Variants in RSRP1 observed in about 807,000 individuals in gnomAD.
RSRP1 encodes arginine/serine-rich protein 1.
Under a neutral mutation model 33.0 loss-of-function variants are expected in RSRP1, and 37 were observed. The observed-to-expected ratio is 1.12, with a 90% CI of 0.86 to 1.48. The LOEUF (loss-of-function observed/expected upper bound fraction) is 1.48. RSRP1 is among the 40% of genes most tolerant of loss of function. RSRP1 has a pLI of 0.00. For missense variants in RSRP1, 402 were observed against 385.3 expected (o/e 1.04, Z -0.36); for synonymous variants, 167 against 158.7 (o/e 1.05, Z -0.40).
chr1:25,292,085 T>C (rs987373739), intron 1 of RSRP1, among the ~76,000 whole-genome samples: 3 of 132,760 alleles, frequency 2.3e-5, no homozygotes, highest in Admixed American at 7.4e-5. Context: ...AGCTTTAGTT[T>C]CTTCATCTGT....
rs542567404 is a variant in RSRP1, at chr1:25,296,835, G to A, written c.-67+41143C>T. On this transcript the variant is annotated intron_variant, in intron 1 of 1. Transcript: ENST00000561867. ...TTGTAAGTTTCCTGAGGCCTCCCCG[G>A]CCATGCCAAACTGTGAGTCAATTCA... Among the ~76,000 whole-genome samples, 112 of 126,312 alleles carry A rather than the reference G, an allele frequency of 8.9e-4. 22 individuals carry two copies. Among genetic ancestry groups the A allele is most frequent in the Non-Finnish European group, 1.8e-3 (96 of 53,266 alleles). 82.9% of individuals were successfully genotyped at this position (126,312 alleles called of 152,430 possible). A position where few individuals can be genotyped will look rare whatever the true frequency, so the allele number is the denominator to read the frequency against.
rs201120463 is a variant in RSRP1, at chr1:25,303,306, C to T, written c.-67+34672G>A. 2.9e-3 allele frequency: 3,952 copies of T among 1,350,394 alleles called. 686 individuals are homozygous for T. In the African/African-American group the frequency reaches 0.042, roughly 14 times the overall value. 83.7% of individuals were successfully genotyped at this position (1,350,394 alleles called of 1,614,324 possible). A position where few individuals can be genotyped will look rare whatever the true frequency, so the allele number is the denominator to read the frequency against. On this transcript the variant is annotated intron_variant, in intron 1 of 1. Coordinates refer to the RSRP1 transcript ENST00000561867. Reference sequence around the variant, plus strand: ...CTCTACCTTGCTTCCTTTACCCACACGCTATTTCTTTGCAGACTTATGTGC... The same window carrying T: ...CTCTACCTTGCTTCCTTTACCCACATGCTATTTCTTTGCAGACTTATGTGC...
chr1:25,292,908 G>C (rs978463109), intron 1 of RSRP1, among the ~76,000 whole-genome samples: 1 of 120,800 alleles, frequency 8.3e-6, no homozygotes, highest in East Asian at 2.0e-4. Context: ...GCCAGCAAAG[G>C]AGACAGAATT....
Position 25,329,205 on chromosome 1 carries a change from A to G in RSRP1, c.-67+8773T>C. The G allele has an allele frequency of 3.0e-6, 2 of 675,804 alleles. 1 individual carries two copies. The highest frequency in any genetic ancestry group is 5.0e-6 in the Non-Finnish European group (2 of 397,946). The allele number at this position is 675,804 out of a possible 1,614,324, so 41.9% of individuals were successfully genotyped here. A position where few individuals can be genotyped will look rare whatever the true frequency, so the allele number is the denominator to read the frequency against. On this transcript the variant is annotated intron_variant, in intron 1 of 1. Coordinates refer to the RSRP1 transcript ENST00000561867. ...ACTGCATATATGATGGTGGTCATCC[A>G]GTAAGCTAAGGTTAATTTATTATTA...
chr1:25,256,301 T>C lies in RSRP1; in HGVS notation c.-66-9272A>G, dbSNP rs1212735559. Among the ~76,000 whole-genome samples the C allele has an allele frequency of 2.0e-5, 3 of 151,968 alleles. No individual in the cohort carries two copies. The East Asian group carries it at 5.8e-4, about 29-fold the overall frequency. Reference sequence around the variant, plus strand: ...TACTGAGTAGCTAGGACTACAGGCATGCGCCACTACACCTGACTAATTTTT... The same window carrying C: ...TACTGAGTAGCTAGGACTACAGGCACGCGCCACTACACCTGACTAATTTTT... On this transcript the variant is annotated intron_variant, in intron 1 of 1. Coordinates refer to the RSRP1 transcript ENST00000561867.
intron 1 of RSRP1, among the ~76,000 whole-genome samples, chr1:25,270,051 CA>C (rs1327375745): frequency 7.6e-6 from 1 of 132,020 alleles, no homozygotes; most frequent in Non-Finnish European, 1.8e-5. Context: ...GTACTGGGCC[CA>C]GGTTAGCAGA....
rs1644688085 is a variant in RSRP1 at position 25,321,356 on chromosome 1, A to C, written c.-67+16622T>G. Among the ~76,000 whole-genome samples, 2 of 126,464 alleles carry C rather than the reference A, an allele frequency of 1.6e-5. 1 individual carries two copies. Among genetic ancestry groups the C allele is most frequent in the Non-Finnish European group, 3.7e-5 (2 of 53,858 alleles). The allele number at this position is 126,464 out of a possible 152,430, so 83.0% of individuals were successfully genotyped here. ...ATTCCCAGTTCTTTTTTTCAAAAAA[A>C]AAAAAAAAATGTCTACAGAATCGGC... On this transcript the variant is annotated intron_variant, in intron 1 of 1. Transcript: ENST00000561867.
At position 25,246,729 on chromosome 1, in the gene RSRP1, G is replaced by T; in HGVS notation, c.235C>A (p.Arg79=). 1 of 1,607,394 alleles carries T rather than the reference G, an allele frequency of 6.2e-7. No individual in the cohort carries two copies. Among genetic ancestry groups the T allele is most frequent in the Non-Finnish European group, 8.5e-7 (1 of 1,175,136 alleles). ...CGCGACCGGCTCCGCGAGTATGACC[G>T]CGAGTAGCGCCTGTACTTCCGCTGG... is the stretch of plus-strand genomic sequence containing the variant. ...RHQRKYRRYS[R]SYSRSRSRSR... The change falls in exon 2 of 5, where the codon CGG becomes AGG. Residue 79 remains arginine (R), a synonymous_variant. Coordinates refer to ENST00000243189, the MANE Select transcript of RSRP1 (RefSeq NM_020317.5).
chr1:25,302,372 T>G (rs1643454968), intron 1 of RSRP1, among the ~76,000 whole-genome samples: 1 of 119,956 alleles, frequency 8.3e-6, no homozygotes, highest in Non-Finnish European at 1.9e-5. Flanking sequence ...AGACCAGTGG[T>G]GGGGCTCGGG....
At chr1:25,275,071 C>A (rs552659843) in intron 1 of RSRP1, among the ~76,000 whole-genome samples, 1 of 132,486 alleles carries the variant, frequency 7.5e-6, no homozygotes, top group Admixed American at 7.3e-5. Flanking sequence ...AGGCAGATCA[C>A]CTGAGGTCAG....
chr1:25,268,243 G>A (rs145904852), intron 1 of RSRP1, among the ~76,000 whole-genome samples: 7,206 of 132,686 alleles, frequency 0.054, 1,415 homozygotes, highest in African/African-American at 0.17. Flanking sequence ...ACACGGCCGG[G>A]CGCAGTGGCT....
At position 25,246,767 on chromosome 1, in the gene RSRP1, G is replaced by A; in HGVS notation, c.197C>T (p.Ser66Phe). The change falls in exon 2 of 5, where the codon TCC (serine) becomes TTC (phenylalanine). Residue 66 changes from serine to phenylalanine, a missense_variant. Transcript: ENST00000243189. Reference protein sequence around the residue: ...RSRRSKSRSRSRRRHQRKYRR... With the variant: ...RSRRSKSRSRFRRRHQRKYRR... ...GTACTTCCGCTGGTGGCGCCTTCGG[G>A]AACGGGACCTGGACTTGCTCCTCCG... The A allele has an allele frequency of 6.2e-7, 1 of 1,611,454 alleles. No homozygotes were observed. Among genetic ancestry groups the A allele is most frequent in the African/African-American group, 1.3e-5 (1 of 75,042 alleles).
At chr1:25,252,390 A>G (rs72885059), upstream of RSRP1, among the ~76,000 whole-genome samples, 6,423 of 152,242 alleles carry the variant, frequency 0.042, 488 homozygotes, top group African/African-American at 0.15. Context: ...AAAAAAAACA[A>G]TCAGCATATA....
intron 1 of RSRP1, among the ~76,000 whole-genome samples, chr1:25,255,650 T>C (rs774750857): frequency 3.3e-5 from 5 of 152,150 alleles, no homozygotes; most frequent in Admixed American, 6.5e-5. Context: ...CATTGTAATA[T>C]ATAATAAAAT....
rs556057821 is a variant in RSRP1 at position 25,262,318 on chromosome 1, G to C, written c.-66-15289C>G. 1.7e-3 allele frequency among the ~76,000 whole-genome samples: 253 copies of C among 152,224 alleles called. 1 individual carries two copies. The highest frequency in any genetic ancestry group is 5.2e-3 in the African/African-American group (214 of 41,516). ...AATATTTATTGAGTGCCAACTTTGA[G>C]CCTAAGATACAGCAGTAAACAAATG... On this transcript the variant is annotated intron_variant, in intron 1 of 1. Coordinates refer to the RSRP1 transcript ENST00000561867.
rs550626341 is a variant in RSRP1, at chr1:25,320,530, AG to A, written c.-67+17447del. ...CTGCATGCCAATATCAGCTAAAAGC[AG>A]CACCACGAAAGGGAAATACGAATCT... On this transcript the variant is annotated intron_variant, in intron 1 of 1. Transcript: ENST00000561867. 8.3e-5 allele frequency among the ~76,000 whole-genome samples: 11 copies of A among 132,220 alleles called. No homozygotes were observed. In the South Asian group the frequency reaches 9.4e-4, roughly 11 times the overall value. The allele number at this position is 132,220 out of a possible 152,430, so 86.7% of individuals were successfully genotyped here.
In RSRP1 at chr1:25,245,138, T is replaced by C. The variant is rs1475453236; in HGVS notation, c.672+12A>G. ...TCTGAAAGTTTTGTTCCGACAAACC[T>C]AGAATACTTACTTCAGGCTTTGCAC... On this transcript the variant is annotated intron_variant, in intron 3 of 4. Transcript: ENST00000243189. 1 of 1,614,214 alleles carries C rather than the reference T, an allele frequency of 6.2e-7. No individual in the cohort carries two copies.
chr1:25,314,061 A>G lies in RSRP1; in HGVS notation c.-67+23917T>C, dbSNP rs2427762. ...CTCCTATGAACATTCTAGCACTTTT[A>G]TTTTTGGAGCACACGAATGCACTTC... On this transcript the variant is annotated intron_variant, in intron 1 of 1. Transcript: ENST00000561867. 4.5e-5 allele frequency among the ~76,000 whole-genome samples: 6 copies of G among 132,768 alleles called. 1 individual carries two copies. Among genetic ancestry groups the G allele is most frequent in the East Asian group, 3.9e-4 (2 of 5,116 alleles). 87.1% of individuals were successfully genotyped at this position (132,768 alleles called of 152,430 possible).
chr1:25,293,019 C>T lies in RSRP1; in HGVS notation c.-67+44959G>A, dbSNP rs560541069. ...GCTGAATGCTGCTGAGAGGTCAAGTCGGATGAGGGCTGGGAAGTAGCCATT... is the reference window on the plus strand; with the variant it reads ...GCTGAATGCTGCTGAGAGGTCAAGTTGGATGAGGGCTGGGAAGTAGCCATT... On this transcript the variant is annotated intron_variant, in intron 1 of 1. Coordinates refer to the RSRP1 transcript ENST00000561867. 4.7e-5 allele frequency among the ~76,000 whole-genome samples: 6 copies of T among 128,726 alleles called. 1 individual carries two copies. The East Asian group carries it at 5.9e-4, about 13-fold the overall frequency. The allele number at this position is 128,726 out of a possible 152,430, so 84.4% of individuals were successfully genotyped here.
Sources: gnomAD v4.1 joint callset for allele counts (sites outside exome capture counted in the v4.1 genomes callset) on GRCh38, gnomAD v4.1.1 for gene constraint, MANE v1.5 for transcripts, NCBI Gene and HGNC (gene_info 2026-07-23, HGNC 2026-07-21) for gene names.